The following PSTPIP2 variants were observed in gnomAD, a reference collection of about 807,000 sequenced individuals.
PSTPIP2 encodes proline-serine-threonine phosphatase interacting protein 2.
PSTPIP2 carries 33 observed loss-of-function variants against 63.3 expected under a neutral mutation model. That is an observed-to-expected ratio of 0.52 (90% CI 0.40 to 0.70). The LOEUF is 0.70. Ranked by LOEUF, PSTPIP2 falls within the 30% of genes least tolerant of loss-of-function variation. The probability of loss-of-function intolerance (pLI) is 0.00; values close to 1 mark genes in which losing one functional copy is unlikely to be tolerated. For synonymous variants in PSTPIP2, 125 were observed against 132.7 expected (o/e 0.94, Z 0.40); for missense variants, 312 against 400.7 (o/e 0.78, Z 1.89).
rs112743078 is a variant in PSTPIP2, at chr18:46,016,340, C to G, written c.213-403G>C. On this transcript the variant is annotated intron_variant, in intron 3 of 14. Coordinates refer to ENST00000409746, the MANE Select transcript of PSTPIP2 (RefSeq NM_024430.4). ...GATTGCACCACTGCACTCCAGCCTG[C>G]GCAACAGAGCAAAACTCCATCTCAA... 5.1e-3 allele frequency: 867 copies of G among 171,142 alleles called. 9 individuals carry two copies. The highest frequency in any genetic ancestry group is 0.012 in the African/African-American group (490 of 42,196). 10.6% of individuals were successfully genotyped at this position (171,142 alleles called of 1,614,324 possible). A position where few individuals can be genotyped will look rare whatever the true frequency, so the allele number is the denominator to read the frequency against.
At chr18:46,035,527 G>A (rs1395763253) in intron 2 of PSTPIP2, among the ~76,000 whole-genome samples, 1 of 152,020 alleles carries the variant, frequency 6.6e-6, no homozygotes, top group African/African-American at 2.4e-5. Flanking sequence ...GAAAAAGGAG[G>A]ACTTTCTAGG....
At chr18:46,035,603 T>C (rs1202514551) in intron 2 of PSTPIP2, among the ~76,000 whole-genome samples, 4 of 152,008 alleles carry the variant, frequency 2.6e-5, no homozygotes, top group African/African-American at 9.7e-5. Flanking sequence ...AATAAACCCA[T>C]CTGGCTGAAA....
chr18:46,008,869 C>G (rs2144079590), intron 5 of PSTPIP2, among the ~76,000 whole-genome samples: 1 of 152,264 alleles, frequency 6.6e-6, no homozygotes, highest in South Asian at 2.1e-4. Context: ...AAGACCCCTC[C>G]CTACCCTGCC....
chr18:46,012,161 A>G (rs2051803143), intron 4 of PSTPIP2, among the ~76,000 whole-genome samples: 1 of 152,214 alleles, frequency 6.6e-6, no homozygotes, highest in Admixed American at 6.5e-5. Context: ...CCTTAAAACT[A>G]CTGAAAAAAA....
intron 1 of PSTPIP2, among the ~76,000 whole-genome samples, chr18:46,061,257 T>C (rs1023232866): frequency 6.6e-6 from 1 of 151,212 alleles, no homozygotes. Context: ...TGAGCCAAGA[T>C]TGCACCACTG....
At chr18:46,055,218 A>G (rs1908716105) in intron 1 of PSTPIP2, among the ~76,000 whole-genome samples, 1 of 152,070 alleles carries the variant, frequency 6.6e-6, no homozygotes, top group South Asian at 2.1e-4. Flanking sequence ...GAAGTCCTCT[A>G]TGGTCCCTCT....
At chr18:46,070,266 T>G (rs547024906) in intron 1 of PSTPIP2, among the ~76,000 whole-genome samples, 1 of 152,184 alleles carries the variant, frequency 6.6e-6, no homozygotes, top group South Asian at 2.1e-4. Context: ...CACCAGACAT[T>G]AGAGAGTACT....
At chr18:46,052,691 C>A (rs1284375616) in intron 1 of PSTPIP2, among the ~76,000 whole-genome samples, 1 of 152,168 alleles carries the variant, frequency 6.6e-6, no homozygotes, top group Non-Finnish European at 1.5e-5. Context: ...AAACAAATTC[C>A]CTTCTGTTCT....
At position 46,017,994 on chromosome 18, in the gene PSTPIP2, T is replaced by C. The variant is rs560837752; in HGVS notation, c.213-2057A>G. 4.6e-5 allele frequency among the ~76,000 whole-genome samples: 7 copies of C among 152,306 alleles called. No homozygotes were observed. The South Asian group carries it at 1.4e-3, about 32-fold the overall frequency. On this transcript the variant is annotated intron_variant, in intron 3 of 14. Transcript: ENST00000409746. ...TAGTTAATGTGTTACTTAATGCATCTCATCTACTGAATTTTTATTTTAAGT... is the reference window on the plus strand; with the variant it reads ...TAGTTAATGTGTTACTTAATGCATCCCATCTACTGAATTTTTATTTTAAGT...
chr18:46,053,315 C>A (rs1007229591), intron 1 of PSTPIP2, among the ~76,000 whole-genome samples: 19 of 152,150 alleles, frequency 1.2e-4, no homozygotes, highest in African/African-American at 4.6e-4. Context: ...AGCCCAAGTT[C>A]AGTTTACTTC....
intron 1 of PSTPIP2, among the ~76,000 whole-genome samples, chr18:46,062,642 G>A (rs1299863620): frequency 6.6e-6 from 1 of 151,938 alleles, no homozygotes; most frequent in Non-Finnish European, 1.5e-5. Context: ...CTCCTCCTGA[G>A]TAGCTGGGAC....
chr18:46,014,194 T>C (rs999086918), intron 4 of PSTPIP2, among the ~76,000 whole-genome samples: 4 of 152,046 alleles, frequency 2.6e-5, no homozygotes, highest in African/African-American at 7.2e-5. Flanking sequence ...GGCTAACTTT[T>C]GTATTTTAGT....
intron 1 of PSTPIP2, among the ~76,000 whole-genome samples, chr18:46,057,763 C>T (rs1372259463): frequency 1.3e-5 from 2 of 151,878 alleles, no homozygotes; most frequent in South Asian, 2.1e-4. Context: ...TTTGGGAGGC[C>T]GAGGCAGGCG....
intron 3 of PSTPIP2, among the ~76,000 whole-genome samples, chr18:46,016,542 C>T (rs1291768197): frequency 6.6e-6 from 1 of 152,088 alleles, no homozygotes; most frequent in African/African-American, 2.4e-5. Flanking sequence ...GTTAATCAGT[C>T]CTACAAGACA....
At chr18:45,994,390 C>T (rs1215529114) in intron 9 of PSTPIP2, among the ~76,000 whole-genome samples, 1 of 152,140 alleles carries the variant, frequency 6.6e-6, no homozygotes, top group African/African-American at 2.4e-5. Context: ...TATACCACAG[C>T]CCCTTTTCCA....
chr18:46,024,054 A>T (rs1249471625), intron 3 of PSTPIP2, among the ~76,000 whole-genome samples: 5 of 151,724 alleles, frequency 3.3e-5, no homozygotes, highest in East Asian at 1.9e-4. Flanking sequence ...TGAAAATAAT[A>T]AAAAAAATTA....
intron 10 of PSTPIP2, among the ~76,000 whole-genome samples, chr18:45,992,879 C>T (rs1476423914): frequency 4.6e-5 from 7 of 151,974 alleles, no homozygotes; most frequent in Admixed American, 1.3e-4. Context: ...CATGCCACCA[C>T]GTCTGGCTAA....
chr18:45,998,613 C>G (rs2144068185), intron 8 of PSTPIP2, among the ~76,000 whole-genome samples, 181 bp downstream of exon 8: 1 of 152,220 alleles, frequency 6.6e-6, no homozygotes, highest in South Asian at 2.1e-4. Flanking sequence ...CCTTTCCTCC[C>G]TCCCTTCCTT....
chr18:46,042,051 T>C (rs1188069724), intron 1 of PSTPIP2, among the ~76,000 whole-genome samples: 1 of 152,202 alleles, frequency 6.6e-6, no homozygotes, highest in Non-Finnish European at 1.5e-5. Flanking sequence ...GACCCAGGCC[T>C]GGGGCTGATT....
Sources: allele counts gnomAD v4.1 joint callset (sites outside exome capture counted in the v4.1 genomes callset), GRCh38; gene constraint gnomAD v4.1.1; transcripts MANE v1.5; gene names NCBI Gene and HGNC (gene_info 2026-07-23, HGNC 2026-07-21).